ELP3: variants seen among roughly 807,000 people sequenced by gnomAD.
The protein encoded by ELP3 is elongator acetyltransferase complex subunit 3.
A neutral mutation model predicts 74.9 loss-of-function variants in ELP3; 56 were observed. The ratio of observed to expected loss-of-function variants is 0.75; its 90% CI spans 0.60 to 0.93. ELP3 has a LOEUF of 0.93. Ranked by LOEUF, ELP3 falls within the 40% of genes least tolerant of loss-of-function variation. The probability of loss-of-function intolerance (pLI) is 0.00; values close to 1 mark genes in which losing one functional copy is unlikely to be tolerated. For synonymous variants in ELP3, 222 were observed against 239.8 expected (o/e 0.93, Z 0.68); for missense variants, 573 against 686.5 (o/e 0.83, Z 1.85).
intron 9 of ELP3, among the ~76,000 whole-genome samples, chr8:28,136,303 A>G (rs555442169): frequency 6.6e-6 from 1 of 152,028 alleles, no homozygotes; most frequent in Non-Finnish European, 1.5e-5. Context: ...GAAAATAAAC[A>G]CTTTTTTAAA....
chr8:28,119,412 G>A (rs1812266364), intron 7 of ELP3, among the ~76,000 whole-genome samples: 1 of 151,540 alleles, frequency 6.6e-6, no homozygotes, highest in African/African-American at 2.4e-5. Context: ...TCTCGCGTGT[G>A]CTTGCGCTGT....
chr8:28,113,075 G>A lies in ELP3; in HGVS notation c.519G>A (p.Thr173=), dbSNP rs190519759. 115 of 1,613,748 alleles carry A rather than the reference G, an allele frequency of 7.1e-5. No individual in the cohort carries two copies. In the East Asian group the frequency reaches 2.0e-3, roughly 28 times the overall value. ...DKVEFIVMGG[T]FMALPEEYRD... ...TGGAGTTTATTGTGATGGGTGGAAC[G>A]TTTATGGCCCTTCCAGAAGAATACA... Residue 173 remains threonine (T), a synonymous_variant, in exon 7 of 15, where the codon ACG becomes ACA. Coordinates refer to ENST00000256398, the MANE Select transcript of ELP3 (RefSeq NM_018091.6).
At chr8:28,187,474 C>A (rs1815284884) in intron 14 of ELP3, among the ~76,000 whole-genome samples, 1 of 152,196 alleles carries the variant, frequency 6.6e-6, no homozygotes, top group Non-Finnish European at 1.5e-5. Flanking sequence ...GACCAGCATC[C>A]TCTCATTCTT....
At position 28,129,587 on chromosome 8, in the gene ELP3, A is replaced by G. The variant is rs559465069; in HGVS notation, c.703A>G (p.Met235Val). The change falls in exon 8 of 15, where the codon ATG (methionine) becomes GTG (valine). Residue 235 changes from methionine to valine, a missense_variant. Transcript: ENST00000256398. ...CTGCATGAAGCGACATTTAAGTGAC[A>G]TGTTGACCTATGGCTGCACAAGGCT... ...DYCMKRHLSD[M>V]LTYGCTRLEI... 1 of 1,614,246 alleles carries G rather than the reference A, an allele frequency of 6.2e-7. No individual in the cohort carries two copies. Among genetic ancestry groups the G allele is most frequent in the Non-Finnish European group, 8.5e-7 (1 of 1,180,026 alleles).
chr8:28,104,716 A>G (rs1241536927), intron 3 of ELP3, among the ~76,000 whole-genome samples: 2 of 152,156 alleles, frequency 1.3e-5, no homozygotes, highest in African/African-American at 2.4e-5. Context: ...TCTTCTCGTC[A>G]TCTCCCATCC....
At chr8:28,184,567 C>T (rs1192048558) in intron 14 of ELP3, among the ~76,000 whole-genome samples, 2 of 152,162 alleles carry the variant, frequency 1.3e-5, no homozygotes, top group Non-Finnish European at 2.9e-5. Context: ...GAAATCAGGG[C>T]ACTCTTGATT....
chr8:28,097,971 G>A (rs1208979385), intron 2 of ELP3, among the ~76,000 whole-genome samples: 1 of 152,148 alleles, frequency 6.6e-6, no homozygotes, highest in East Asian at 1.9e-4. Flanking sequence ...CGTCTCCAGA[G>A]CCCATGTTCT....
intron 10 of ELP3, among the ~76,000 whole-genome samples, chr8:28,144,338 A>C (rs1813351959): frequency 6.6e-6 from 1 of 152,204 alleles, no homozygotes; most frequent in Non-Finnish European, 1.5e-5. Context: ...GGCCAGGCAC[A>C]GTGGCTCTCG....
intron 3 of ELP3, among the ~76,000 whole-genome samples, 186 bp from the exon 4 acceptor site, chr8:28,106,527 G>A (rs1221465658): frequency 3.8e-5 from 5 of 132,170 alleles, no homozygotes; most frequent in Non-Finnish European, 7.8e-5. Context: ...GCGACAGAGC[G>A]AGACTCCGTC....
chr8:28,117,643 C>T (rs1812191769), intron 7 of ELP3, among the ~76,000 whole-genome samples: 1 of 152,032 alleles, frequency 6.6e-6, no homozygotes, highest in Admixed American at 6.6e-5. Flanking sequence ...GCCATAAAAC[C>T]ATCCATAAAT....
At position 28,180,863 on chromosome 8, in the gene ELP3, C is replaced by T. The variant is rs374534322; in HGVS notation, c.1568-8786C>T. 2.6e-5 allele frequency among the ~76,000 whole-genome samples: 4 copies of T among 152,178 alleles called. No individual in the cohort carries two copies. In the East Asian group the frequency reaches 7.7e-4, roughly 29 times the overall value. On this transcript the variant is annotated intron_variant, in intron 14 of 14. Coordinates refer to ENST00000256398, the MANE Select transcript of ELP3 (RefSeq NM_018091.6). ...TGCTTGGGTCCCTGTCTGTGCCAGG[C>T]TCTGAATTCAGACCCATGTTGCATC...
At chr8:28,112,770 A>G in intron 6 of ELP3, 1 of 296,582 alleles carries the variant, frequency 3.4e-6, no homozygotes, top group Non-Finnish European at 6.2e-6. Flanking sequence ...TCCGCTTTGT[A>G]GGTATTCAAG....
In ELP3 at chr8:28,093,284, C is replaced by T. The variant is rs542998613; in HGVS notation, c.19+51C>T. 6.8e-6 allele frequency: 11 copies of T among 1,607,176 alleles called. No homozygotes were observed. In the East Asian group the frequency reaches 2.5e-4, roughly 36 times the overall value. On this transcript the variant is annotated intron_variant, in intron 1 of 14. Coordinates refer to ENST00000256398, the MANE Select transcript of ELP3 (RefSeq NM_018091.6). ...AAAGGGGTGGTCCGAAAGGGGCGAACGCCCAGGCAATCAAATGCTGAACCG... is the reference window on the plus strand; with the variant it reads ...AAAGGGGTGGTCCGAAAGGGGCGAATGCCCAGGCAATCAAATGCTGAACCG...
intron 10 of ELP3, 108 bp from the exon 11 acceptor site, chr8:28,155,834 T>A: frequency 1.2e-6 from 1 of 838,748 alleles, no homozygotes; most frequent in Non-Finnish European, 1.9e-6. Context: ...TTCATAGGTT[T>A]TTTGCTTTTT....
At chr8:28,175,967 AC>A (rs1381073442) in intron 14 of ELP3, among the ~76,000 whole-genome samples, 1 of 151,704 alleles carries the variant, frequency 6.6e-6, no homozygotes, top group African/African-American at 2.4e-5. Context: ...GGCATGTGCC[AC>A]CAGGCCTGGC....
At chr8:28,119,560 A>C (rs1812271732) in intron 7 of ELP3, among the ~76,000 whole-genome samples, 1 of 127,762 alleles carries the variant, frequency 7.8e-6, no homozygotes, top group African/African-American at 3.0e-5. Context: ...GTACAAAACA[A>C]CTTGTGGCGT....
chr8:28,120,077 T>C (rs970398561), intron 7 of ELP3, among the ~76,000 whole-genome samples: 2 of 152,206 alleles, frequency 1.3e-5, no homozygotes, highest in African/African-American at 4.8e-5. Flanking sequence ...TAAGTCTTTT[T>C]GTGGCTATAT....
chr8:28,132,675 A>T (rs553841736), intron 9 of ELP3, among the ~76,000 whole-genome samples: 1 of 152,314 alleles, frequency 6.6e-6, no homozygotes, highest in South Asian at 2.1e-4. Context: ...CAGACATACA[A>T]ATATATATGA....
chr8:28,110,516 T>C, intron 6 of ELP3, 78 bp downstream of exon 6: 1 of 1,213,938 alleles, frequency 8.2e-7, no homozygotes, highest in Non-Finnish European at 1.2e-6. Flanking sequence ...TGATTCAAAT[T>C]GAACCTGAAA....
Sources: gnomAD v4.1 joint callset for allele counts (sites outside exome capture counted in the v4.1 genomes callset) on GRCh38, gnomAD v4.1.1 for gene constraint, MANE v1.5 for transcripts, NCBI Gene and HGNC (gene_info 2026-07-23, HGNC 2026-07-21) for gene names.